The following CNNM2 variants were observed in gnomAD, a reference collection of about 807,000 sequenced individuals.
The protein encoded by CNNM2 is cyclin and CBS domain divalent metal cation transport mediator 2, also known as metal transporter CNNM2.
Under a neutral mutation model 66.9 loss-of-function variants are expected in CNNM2, and 12 were observed. That is an observed-to-expected ratio of 0.18 (90% CI 0.11 to 0.29). The LOEUF (loss-of-function observed/expected upper bound fraction) is 0.29. CNNM2 is among the 10% of genes least tolerant of loss of function. The pLI is 1.00. For synonymous variants in CNNM2, 557 were observed against 501.8 expected, an observed-to-expected ratio of 1.11 and a Z score of -1.47; for missense variants, 705 against 1,167.7, an observed-to-expected ratio of 0.60 and a Z score of 5.77.
Position 102,919,518 on chromosome 10 carries a change from A to G in CNNM2, c.1038A>G (p.Val346=). ...DIAGSGLVAV[V]VSTIGIVIFG... is the part of the protein sequence containing the mutation. ...CCGGCTCGGGCCTCGTGGCCGTGGTAGTCTCCACCATCGGTATCGTCATCT... is the reference window on the plus strand; with the variant it reads ...CCGGCTCGGGCCTCGTGGCCGTGGTGGTCTCCACCATCGGTATCGTCATCT... The change falls in exon 1 of 8, where the codon GTA becomes GTG. Residue 346 remains valine (V), a synonymous_variant. Transcript: ENST00000369878. 1 of 1,613,088 alleles carries G rather than the reference A, an allele frequency of 6.2e-7. No individual in the cohort carries two copies. The highest frequency in any genetic ancestry group is 8.5e-7 in the Non-Finnish European group (1 of 1,180,028).
Position 103,088,524 on chromosome 10 carries a change from A to C in CNNM2, c.*11344A>C, listed in dbSNP as rs990899323. The C allele has an allele frequency of 2.6e-5, 4 of 152,416 alleles. No homozygotes were observed. Among genetic ancestry groups the C allele is most frequent in the African/African-American group, 9.7e-5 (4 of 41,414 alleles). The allele number at this position is 152,416 out of a possible 1,614,324, so 9.4% of individuals were successfully genotyped here. A position where few individuals can be genotyped will look rare whatever the true frequency, so the allele number is the denominator to read the frequency against. On this transcript the variant is annotated 3_prime_UTR_variant, in exon 8 of 8. Coordinates refer to ENST00000369878, the MANE Select transcript of CNNM2 (RefSeq NM_017649.5). ...CTCAGCCTCCTGAGTAGATGATGGG[A>C]TTACAGGCATGCACCACCACGCCCA... is the stretch of plus-strand genomic sequence containing the variant.
intron 5 of CNNM2, among the ~76,000 whole-genome samples, chr10:103,069,556 G>A (rs1015059673): frequency 6.6e-6 from 1 of 152,226 alleles, no homozygotes; most frequent in Non-Finnish European, 1.5e-5. Context: ...GCTCTTGTCT[G>A]GAGAGCTGGC....
At chr10:102,943,950 C>T (rs1212859429) in intron 1 of CNNM2, among the ~76,000 whole-genome samples, 1 of 152,112 alleles carries the variant, frequency 6.6e-6, no homozygotes, top group African/African-American at 2.4e-5. Flanking sequence ...ATGCTGACTT[C>T]TGAACTTCTA....
At chr10:102,985,544 G>A (rs2063783551) in intron 1 of CNNM2, among the ~76,000 whole-genome samples, 2 of 152,078 alleles carry the variant, frequency 1.3e-5, no homozygotes, top group Non-Finnish European at 2.9e-5. Flanking sequence ...TCTCACTTAT[G>A]TTCTCCTTCA....
intron 1 of CNNM2, among the ~76,000 whole-genome samples, chr10:103,013,758 G>T (rs1216201450): frequency 6.6e-6 from 1 of 152,220 alleles, no homozygotes; most frequent in African/African-American, 2.4e-5. Context: ...AGGGTGCCTA[G>T]ATTGAATGAG....
intron 1 of CNNM2, among the ~76,000 whole-genome samples, chr10:103,042,158 ACT>A (rs546939635): frequency 1.3e-5 from 2 of 151,658 alleles, no homozygotes; most frequent in African/African-American, 4.8e-5. Context: ...AGTCAGCCTG[ACT>A]CTCTCATTCT....
intron 1 of CNNM2, among the ~76,000 whole-genome samples, chr10:102,951,872 C>T (rs1466093845): frequency 8.6e-5 from 13 of 151,904 alleles, no homozygotes; most frequent in East Asian, 5.9e-4. Context: ...GGCACAATCT[C>T]GGCTCACTGC....
chr10:103,002,357 C>T (rs1012061380), intron 1 of CNNM2, among the ~76,000 whole-genome samples: 2 of 151,922 alleles, frequency 1.3e-5, no homozygotes, highest in African/African-American at 4.8e-5. Context: ...ACAATAAGCA[C>T]GTGAAAAGAT....
At chr10:102,925,250 C>G (rs989814825) in intron 1 of CNNM2, among the ~76,000 whole-genome samples, 4 of 135,778 alleles carry the variant, frequency 2.9e-5, no homozygotes. Context: ...GAACTGAGAT[C>G]GCACCATTGC....
intron 1 of CNNM2, among the ~76,000 whole-genome samples, chr10:103,002,114 C>T (rs2064133750): frequency 6.6e-6 from 1 of 152,132 alleles, no homozygotes; most frequent in South Asian, 2.1e-4. Context: ...AAAGCAACCA[C>T]AGAAGAAAAT....
Position 103,077,117 on chromosome 10 carries a change from C to T in CNNM2, c.2565C>T (p.Asn855=), listed in dbSNP as rs540196504. 1.0e-3 allele frequency: 1,630 copies of T among 1,613,988 alleles called. 26 individuals are homozygous for T. In the South Asian group the frequency reaches 0.017, roughly 17 times the overall value. Residue 855 remains asparagine (N), a synonymous_variant, in exon 8 of 8, where the codon AAC becomes AAT. Transcript: ENST00000369878. ...CAGACGAGACAGCCAACCTGCTCAA[C>T]GAACAGAACTGTGTGACGCACAGTA... ...GLPDETANLL[N]EQNCVTHSKA...
At chr10:102,929,574 G>A (rs779655287) in intron 1 of CNNM2, among the ~76,000 whole-genome samples, 72 of 151,930 alleles carry the variant, frequency 4.7e-4, no homozygotes, top group Non-Finnish European at 9.0e-4. Flanking sequence ...TATTTTTAAG[G>A]AAAACAGAAC....
chr10:102,958,971 A>G (rs556040638), intron 1 of CNNM2, among the ~76,000 whole-genome samples: 115 of 150,662 alleles, frequency 7.6e-4, no homozygotes, highest in African/African-American at 2.6e-3. Flanking sequence ...TTTTTGAGAC[A>G]GGGTCTTGCT....
intron 5 of CNNM2, among the ~76,000 whole-genome samples, chr10:103,070,561 G>A (rs766372052): frequency 3.3e-5 from 5 of 152,124 alleles, no homozygotes; most frequent in Non-Finnish European, 5.9e-5. Context: ...ACTAGGAGTG[G>A]GTTGTACATT....
intron 1 of CNNM2, among the ~76,000 whole-genome samples, chr10:103,009,580 C>T (rs1236134739): frequency 6.8e-6 from 1 of 147,994 alleles, no homozygotes; most frequent in Non-Finnish European, 1.5e-5. Context: ...AGTCTCAGGT[C>T]CTTGGAAGGC....
At chr10:102,988,268 A>C (rs2063833466) in intron 1 of CNNM2, among the ~76,000 whole-genome samples, 1 of 152,152 alleles carries the variant, frequency 6.6e-6, no homozygotes, top group Non-Finnish European at 1.5e-5. Flanking sequence ...CACCTAGTGC[A>C]TTCCAGCCTG....
At chr10:103,048,303 C>T (rs912082365) in intron 1 of CNNM2, among the ~76,000 whole-genome samples, 2 of 151,252 alleles carry the variant, frequency 1.3e-5, no homozygotes, top group Non-Finnish European at 2.9e-5. Flanking sequence ...GCAACCTCCG[C>T]CTCCCAGATT....
chr10:103,048,131 G>C (rs970828727), intron 1 of CNNM2, among the ~76,000 whole-genome samples: 9 of 151,338 alleles, frequency 5.9e-5, no homozygotes, highest in Non-Finnish European at 1.2e-4. Flanking sequence ...CACCATGTTG[G>C]CCAGGTTGGT....
rs1187801365 is a variant in CNNM2, at chr10:103,054,527, C to A, written c.1903+61C>A. 4 of 1,571,464 alleles carry A rather than the reference C, an allele frequency of 2.5e-6. No individual in the cohort carries two copies. The highest frequency in any genetic ancestry group is 3.6e-5 in the Admixed American group (2 of 56,072). On this transcript the variant is annotated intron_variant, in intron 3 of 7. Transcript: ENST00000369878. The surrounding 1 kb of genome is among the most constrained non-coding windows in gnomAD (Gnocchi z 5.2). ...AACCCTGAAGCGTGTTTCTCACCCA[C>A]CACTGACTGGGGTGGGTTGGGGGTG...
Sources: gnomAD v4.1 joint callset for allele counts (sites outside exome capture counted in the v4.1 genomes callset) on GRCh38, gnomAD v4.1.1 for gene constraint, Gnocchi (gnomAD v3.1) non-coding constraint, MANE v1.5 for transcripts, NCBI Gene and HGNC (gene_info 2026-07-23, HGNC 2026-07-21) for gene names.